Variants in NR6A1 observed in about 807,000 individuals in gnomAD.
NR6A1 encodes the protein retinoic acid receptor-related testis-associated receptor.
Under a neutral mutation model 59.1 loss-of-function variants are expected in NR6A1, and 7 were observed. The observed-to-expected ratio is 0.12, with a 90% CI of 0.07 to 0.22. The LOEUF (loss-of-function observed/expected upper bound fraction) is 0.22. Ranked by LOEUF, NR6A1 falls within the 10% of genes least tolerant of loss-of-function variation. The probability of loss-of-function intolerance (pLI) is 1.00; values close to 1 mark genes in which losing one functional copy is unlikely to be tolerated. For missense variants in NR6A1, 468 were observed against 611.6 expected, an observed-to-expected ratio of 0.77 and a Z score of 2.48; for synonymous variants, 243 against 236.1, an observed-to-expected ratio of 1.03 and a Z score of -0.27.
rs1386063934 is a variant in NR6A1, at chr9:124,552,750, A to G, written c.385+1578T>C. Among the ~76,000 whole-genome samples the G allele has an allele frequency of 3.9e-5, 6 of 152,326 alleles. No homozygotes were observed. The South Asian group carries it at 8.3e-4, about 21-fold the overall frequency. On this transcript the variant is annotated intron_variant, in intron 3 of 9. Transcript: ENST00000487099. ...AGGGTTGTTGTATGTATTCAGTGGTAGAATATATATATGGAGGGTACATAA... is the reference window on the plus strand; with the variant it reads ...AGGGTTGTTGTATGTATTCAGTGGTGGAATATATATATGGAGGGTACATAA...
Position 124,636,283 on chromosome 9 carries a change from T to C in NR6A1, c.143-81713A>G, listed in dbSNP as rs186281570. Among the ~76,000 whole-genome samples, 6 of 152,378 alleles carry C rather than the reference T, an allele frequency of 3.9e-5. No individual in the cohort carries two copies. In the East Asian group the frequency reaches 9.6e-4, roughly 24 times the overall value. ...CCATCAGGTATGTTTTATTGAGTTT[T>C]AAAGGTTCTTTAGACATTTTAAGTA... On this transcript the variant is annotated intron_variant, in intron 2 of 9. Coordinates refer to ENST00000487099, the MANE Select transcript of NR6A1 (RefSeq NM_033334.4).
intron 2 of NR6A1, among the ~76,000 whole-genome samples, chr9:124,711,155 T>C (rs777804416): frequency 1.1e-4 from 14 of 129,780 alleles, no homozygotes; most frequent in Admixed American, 1.9e-4. Flanking sequence ...GCAAGTTAAG[T>C]AGATTTTTAC....
At chr9:124,559,597 G>A (rs545522371) in intron 2 of NR6A1, among the ~76,000 whole-genome samples, 38 of 152,146 alleles carry the variant, frequency 2.5e-4, no homozygotes, top group African/African-American at 8.4e-4. Flanking sequence ...CCAACATGGC[G>A]AAACCCCATC....
chr9:124,551,133 C>G (rs368258246), intron 3 of NR6A1, among the ~76,000 whole-genome samples: 8 of 152,192 alleles, frequency 5.3e-5, no homozygotes, highest in African/African-American at 1.9e-4. Flanking sequence ...GCCTTGGAAT[C>G]AACCAGTTTT....
intron 2 of NR6A1, among the ~76,000 whole-genome samples, chr9:124,637,089 G>A (rs1489079841): frequency 1.3e-5 from 2 of 152,134 alleles, no homozygotes; most frequent in Admixed American, 6.5e-5. Flanking sequence ...CTCTCTAGGG[G>A]TATGATGAAA....
At chr9:124,653,423 T>C (rs1056205771) in intron 2 of NR6A1, among the ~76,000 whole-genome samples, 7 of 152,166 alleles carry the variant, frequency 4.6e-5, no homozygotes, top group Non-Finnish European at 8.8e-5. Flanking sequence ...TGTTTTGTTG[T>C]TGTTTTTTAA....
At chr9:124,689,996 A>C (rs28411320) in intron 2 of NR6A1, among the ~76,000 whole-genome samples, 2 of 152,228 alleles carry the variant, frequency 1.3e-5, no homozygotes, top group Non-Finnish European at 2.9e-5. Context: ...CTGCCGAATC[A>C]GTAAAAGGAT....
At chr9:124,700,433 C>G (rs191119129) in intron 2 of NR6A1, among the ~76,000 whole-genome samples, 268 of 151,860 alleles carry the variant, frequency 1.8e-3, no homozygotes, top group African/African-American at 6.0e-3. Flanking sequence ...GTTGGCAAGG[C>G]TGGTCTCGAA....
At chr9:124,708,377 A>G (rs1839191830) in intron 2 of NR6A1, among the ~76,000 whole-genome samples, 1 of 152,192 alleles carries the variant, frequency 6.6e-6, no homozygotes, top group Admixed American at 6.6e-5. Flanking sequence ...TCTTACCCCA[A>G]GTACAGTGGT....
At chr9:124,721,380 C>T (rs551262860) in intron 2 of NR6A1, among the ~76,000 whole-genome samples, 47 of 152,316 alleles carry the variant, frequency 3.1e-4, no homozygotes, top group African/African-American at 1.1e-3. Context: ...CAATCCTTAT[C>T]AGAAGGGAAC....
intron 2 of NR6A1, among the ~76,000 whole-genome samples, chr9:124,671,775 A>G (rs1272844076): frequency 6.6e-6 from 1 of 152,190 alleles, no homozygotes; most frequent in Non-Finnish European, 1.5e-5. Context: ...TTTACCTCAA[A>G]CTTTTAAACC....
At chr9:124,764,191 A>G (rs964493519) in intron 1 of NR6A1, among the ~76,000 whole-genome samples, 3 of 152,056 alleles carry the variant, frequency 2.0e-5, no homozygotes, top group Non-Finnish European at 1.5e-5. Flanking sequence ...CACAAAAAAA[A>G]AAAAAAGAAA....
intron 2 of NR6A1, chr9:124,599,405 G>A: frequency 2.7e-6 from 1 of 369,852 alleles, no homozygotes; most frequent in Non-Finnish European, 5.1e-6. Flanking sequence ...GGCGACAAAA[G>A]CGATACATGG....
chr9:124,571,761 G>C lies in NR6A1; in HGVS notation c.143-17191C>G, dbSNP rs149375939. On this transcript the variant is annotated intron_variant, in intron 2 of 9. Transcript: ENST00000487099. ...TACTATGCTTCATGGCTTCAGAGGG[G>C]CTGAGAGTAGTTCCTGTGGCTCCTG... Among the ~76,000 whole-genome samples, 840 of 152,202 alleles carry C rather than the reference G, an allele frequency of 5.5e-3. 6 individuals carry two copies. The highest frequency in any genetic ancestry group is 0.019 in the African/African-American group (798 of 41,506).
At chr9:124,644,691 C>G (rs971419995) in intron 2 of NR6A1, among the ~76,000 whole-genome samples, 3 of 152,212 alleles carry the variant, frequency 2.0e-5, no homozygotes, top group Admixed American at 2.0e-4. Context: ...ATTCTACATT[C>G]TCCAGCCCCT....
intron 2 of NR6A1, among the ~76,000 whole-genome samples, chr9:124,650,388 T>A (rs2130920186): frequency 6.6e-6 from 1 of 151,992 alleles, no homozygotes; most frequent in South Asian, 2.1e-4. Context: ...AAAAAACAAC[T>A]GATCTCATGG....
At chr9:124,734,434 T>A (rs1314325202) in intron 1 of NR6A1, among the ~76,000 whole-genome samples, 1 of 152,240 alleles carries the variant, frequency 6.6e-6, no homozygotes. Context: ...GGCTCATGCC[T>A]GTAATCCCAG....
At chr9:124,574,889 T>C (rs553684108) in intron 2 of NR6A1, among the ~76,000 whole-genome samples, 1 of 152,326 alleles carries the variant, frequency 6.6e-6, no homozygotes, top group Admixed American at 6.5e-5. Context: ...ACTCTACAAC[T>C]GCATAAAAGA....
intron 2 of NR6A1, among the ~76,000 whole-genome samples, chr9:124,679,628 T>C (rs1838069605): frequency 6.6e-6 from 1 of 152,086 alleles, no homozygotes; most frequent in Non-Finnish European, 1.5e-5. Flanking sequence ...CAGTGGCTGA[T>C]GCCTGTAATT....
Sources: gnomAD v4.1 joint callset for allele counts (sites outside exome capture counted in the v4.1 genomes callset) on GRCh38, gnomAD v4.1.1 for gene constraint, MANE v1.5 for transcripts, NCBI Gene and HGNC (gene_info 2026-07-23, HGNC 2026-07-21) for gene names.